The following SGCD variants were observed in gnomAD, a reference collection of about 807,000 sequenced individuals.
The protein encoded by SGCD is delta-sarcoglycan.
SGCD carries 18 observed loss-of-function variants against 36.6 expected under a neutral mutation model. That is an observed-to-expected ratio of 0.49 (90% CI 0.34 to 0.73). SGCD has a LOEUF of 0.73. SGCD is among the 30% of genes least tolerant of loss of function. The probability of loss-of-function intolerance (pLI) is 0.01; values close to 1 mark genes in which losing one functional copy is unlikely to be tolerated. For synonymous variants in SGCD, 133 were observed against 130.6 expected (o/e 1.02, Z -0.12); for missense variants, 387 against 346.7 (o/e 1.12, Z -0.92).
chr5:155,835,462 G>A, the SGCD span, among the ~76,000 whole-genome samples: 1 of 152,004 alleles, frequency 6.6e-6, no homozygotes, highest in Non-Finnish European at 1.5e-5. Flanking sequence ...CCAGAGAATG[G>A]CTGTCTCTAT....
rs552887590 is a variant in SGCD at position 156,550,921 on chromosome 5, G to A, written c.295-38310G>A. Reference sequence around the variant, plus strand: ...TCACTTTGTTTTTCTGCCTTCGTAGGTCATCTTGTTGGCTTTCATTTTTCA... The same window carrying A: ...TCACTTTGTTTTTCTGCCTTCGTAGATCATCTTGTTGGCTTTCATTTTTCA... On this transcript the variant is annotated intron_variant, in intron 4 of 8. Coordinates refer to ENST00000337851, the MANE Select transcript of SGCD (RefSeq NM_000337.6). 6.3e-4 allele frequency among the ~76,000 whole-genome samples: 96 copies of A among 152,278 alleles called. 1 individual carries two copies. Among genetic ancestry groups the A allele is most frequent in the Admixed American group, 3.9e-3 (60 of 15,290 alleles).
intron 3 of SGCD, among the ~76,000 whole-genome samples, chr5:156,284,198 A>G (rs181193272): frequency 6.6e-6 from 1 of 152,286 alleles, no homozygotes; most frequent in Admixed American, 6.5e-5. Context: ...ACCAACAAAA[A>G]AAGTCCAGGA....
At chr5:156,112,719 C>T (rs766187985) in intron 1 of SGCD, among the ~76,000 whole-genome samples, 10 of 152,112 alleles carry the variant, frequency 6.6e-5, no homozygotes, top group Non-Finnish European at 1.5e-4. Context: ...TGTTTGTTTG[C>T]ACGGCCATTT....
chr5:156,216,848 G>T (rs1359174988), intron 3 of SGCD, among the ~76,000 whole-genome samples: 1 of 152,214 alleles, frequency 6.6e-6, no homozygotes, highest in Non-Finnish European at 1.5e-5. Flanking sequence ...AGAGGCCGAG[G>T]TGGGCAGATC....
intron 3 of SGCD, among the ~76,000 whole-genome samples, chr5:156,206,895 AT>A (rs139430324): frequency 1.7e-4 from 26 of 151,308 alleles, no homozygotes; most frequent in South Asian, 4.2e-4. Context: ...ACTGATAGTT[AT>A]TTTTTTTTCC....
intron 3 of SGCD, among the ~76,000 whole-genome samples, chr5:156,142,358 C>T (rs1478673775): frequency 6.6e-6 from 1 of 152,136 alleles, no homozygotes; most frequent in Non-Finnish European, 1.5e-5. Context: ...CAGACTAATA[C>T]AGAAAATTGG....
intron 7 of SGCD, among the ~76,000 whole-genome samples, chr5:156,649,460 C>A (rs1221115615): frequency 6.6e-6 from 1 of 152,044 alleles, no homozygotes; most frequent in Non-Finnish European, 1.5e-5. Context: ...TGGAACCAAG[C>A]CAAATGTCCA....
intron 3 of SGCD, among the ~76,000 whole-genome samples, chr5:156,481,120 A>G (rs898510414): frequency 6.6e-6 from 1 of 152,240 alleles, no homozygotes; most frequent in Admixed American, 6.5e-5. Context: ...AGATTGGTAT[A>G]ATTAATACGG....
intron 2 of SGCD, among the ~76,000 whole-genome samples, chr5:156,119,123 C>A (rs577169495): frequency 2.0e-5 from 3 of 152,192 alleles, no homozygotes; most frequent in South Asian, 2.1e-4. Context: ...GGAAATGTAC[C>A]TTCTTCTATT....
intron 3 of SGCD, among the ~76,000 whole-genome samples, chr5:156,187,776 C>T (rs1235646954): frequency 6.6e-6 from 1 of 151,950 alleles, no homozygotes; most frequent in Non-Finnish European, 1.5e-5. Context: ...ATGGAACTGG[C>T]CAGAGATGAT....
chr5:155,741,687 C>CTTTTTTTTT, the SGCD span, among the ~76,000 whole-genome samples: 1 of 132,288 alleles, frequency 7.6e-6, no homozygotes, highest in Non-Finnish European at 1.6e-5. Flanking sequence ...CTTTTCTTTT[C>CTTTTTTTTT]TTTTTTTTTT....
chr5:155,737,814 GACCTC>G, the SGCD span, among the ~76,000 whole-genome samples: 1 of 152,106 alleles, frequency 6.6e-6, no homozygotes, highest in Admixed American at 6.5e-5. Context: ...CTTTGACTTT[GACCTC>G]CATTCCCCCC....
chr5:155,891,066 G>A (rs1756117491), intron 1 of SGCD, among the ~76,000 whole-genome samples: 1 of 152,164 alleles, frequency 6.6e-6, no homozygotes, highest in Non-Finnish European at 1.5e-5. Flanking sequence ...TCCTAGGGAG[G>A]AACATGACAT....
At chr5:156,524,452 G>T (rs902340729) in intron 4 of SGCD, among the ~76,000 whole-genome samples, 1 of 150,220 alleles carries the variant, frequency 6.7e-6, no homozygotes, top group Non-Finnish European at 1.5e-5. Flanking sequence ...CTTTATTGAG[G>T]TATAATTGAC....
intron 3 of SGCD, among the ~76,000 whole-genome samples, chr5:156,435,848 T>C (rs1753218028): frequency 6.6e-6 from 1 of 152,204 alleles, no homozygotes; most frequent in African/African-American, 2.4e-5. Flanking sequence ...TCTCTCTGGA[T>C]TGGGACAGGG....
chr5:156,753,243 G>A (rs550275027), intron 7 of SGCD, among the ~76,000 whole-genome samples: 5 of 152,084 alleles, frequency 3.3e-5, no homozygotes, highest in African/African-American at 9.7e-5. Flanking sequence ...GCCCAGCTCC[G>A]GCCCCCACCC....
At chr5:156,623,090 TATATG>T (rs1229959063) in intron 6 of SGCD, among the ~76,000 whole-genome samples, 3 of 152,112 alleles carry the variant, frequency 2.0e-5, no homozygotes, top group East Asian at 1.9e-4. Flanking sequence ...TTTGTTGTAT[TATATG>T]ATATGTGTGT....
intron 3 of SGCD, among the ~76,000 whole-genome samples, chr5:156,206,357 A>AT (rs990044665): frequency 3.3e-5 from 5 of 151,860 alleles, no homozygotes; most frequent in East Asian, 1.9e-4. Flanking sequence ...TTGTGGACAT[A>AT]TTTTTTTGGA....
At chr5:156,192,734 A>G (rs1425316124) in intron 3 of SGCD, among the ~76,000 whole-genome samples, 1 of 151,402 alleles carries the variant, frequency 6.6e-6, no homozygotes, top group Non-Finnish European at 1.5e-5. Flanking sequence ...TATCACATGT[A>G]CCCCATAAAT....
Sources: gnomAD v4.1 joint callset for allele counts (sites outside exome capture counted in the v4.1 genomes callset) on GRCh38, gnomAD v4.1.1 for gene constraint, MANE v1.5 for transcripts, NCBI Gene and HGNC (gene_info 2026-07-23, HGNC 2026-07-21) for gene names.